OTOG: variants seen among roughly 807,000 people sequenced by gnomAD.
The protein encoded by OTOG is otogelin.
Under a neutral mutation model 313.8 loss-of-function variants are expected in OTOG, and 296 were observed. The ratio of observed to expected loss-of-function variants is 0.94; its 90% CI spans 0.86 to 1.04. The LOEUF is 1.04. OTOG is among the 50% of genes least tolerant of loss of function. The pLI is 0.00. For synonymous variants in OTOG, 1,533 were observed against 1,554.9 expected (o/e 0.99, Z 0.33); for missense variants, 3,948 against 3,840.1 (o/e 1.03, Z -0.74).
chr11:17,584,643 A>G (rs1852752360), intron 23 of OTOG, among the ~76,000 whole-genome samples: 1 of 152,184 alleles, frequency 6.6e-6, no homozygotes, highest in African/African-American at 2.4e-5. Context: ...TTTATGCCTA[A>G]ATCTCCAGAG....
intron 7 of OTOG, 49 bp from the exon 8 acceptor site, chr11:17,557,069 C>T: frequency 1.3e-6 from 2 of 1,519,218 alleles, no homozygotes; most frequent in Admixed American, 3.9e-5. Context: ...AGAGACTGGG[C>T]TAGTGGAGGT....
chr11:17,565,904 T>C (rs1202353170), intron 15 of OTOG, among the ~76,000 whole-genome samples: 5 of 152,192 alleles, frequency 3.3e-5, no homozygotes, highest in African/African-American at 4.8e-5. Context: ...TTATCTTGTA[T>C]AGTTCCTGTC....
At chr11:17,553,330 A>G (rs1043873899) in intron 5 of OTOG, 35 bp from the exon 6 acceptor site, 2 of 1,482,772 alleles carry the variant, frequency 1.3e-6, no homozygotes, top group African/African-American at 2.8e-5. Context: ...TGCCCACTGT[A>G]GCTACACAGA....
chr11:17,608,069 C>T lies in OTOG; in HGVS notation c.4157-227C>T, dbSNP rs150818160. ...GTTCTTCCCTGTCCTCAGTCCTTCC[C>T]TGTCCTCAGTCCTGCATTCAGCTCC... On this transcript the variant is annotated intron_variant, in intron 33 of 55. Coordinates refer to ENST00000399397, the MANE Select transcript of OTOG (RefSeq NM_001292063.2). Among the ~76,000 whole-genome samples, 26 of 152,332 alleles carry T rather than the reference C, an allele frequency of 1.7e-4. No homozygotes were observed. The East Asian group carries it at 4.8e-3, about 28-fold the overall frequency.
chr11:17,571,954 T>C, intron 17 of OTOG, 126 bp from the exon 18 acceptor site: 1 of 1,280,532 alleles, frequency 7.8e-7, no homozygotes, highest in South Asian at 1.4e-5. Flanking sequence ...AGTGTGTGTA[T>C]ATGGATGTGT....
chr11:17,566,144 C>T (rs1852289245), intron 15 of OTOG, among the ~76,000 whole-genome samples: 1 of 152,098 alleles, frequency 6.6e-6, no homozygotes, highest in Non-Finnish European at 1.5e-5. Context: ...CCCCACTCCC[C>T]ACAGATACCA....
intron 3 of OTOG, among the ~76,000 whole-genome samples, chr11:17,548,679 T>C (rs2133991257): frequency 6.6e-6 from 1 of 152,086 alleles, no homozygotes; most frequent in East Asian, 1.9e-4. Context: ...GCAAGGAAGG[T>C]TTGGTTGAGA....
intron 39 of OTOG, among the ~76,000 whole-genome samples, chr11:17,617,511 T>C (rs1394226258): frequency 2.6e-5 from 4 of 152,230 alleles, no homozygotes; most frequent in African/African-American, 7.2e-5. Flanking sequence ...TGTTTATATA[T>C]TTCTTCTTTG....
intron 45 of OTOG, 64 bp downstream of exon 45, chr11:17,635,012 G>T (rs372704663): frequency 1.5e-5 from 23 of 1,534,908 alleles, no homozygotes; most frequent in Non-Finnish European, 1.8e-5. Context: ...GGACAGCTCT[G>T]GGGGCAGGGG....
intron 12 of OTOG, among the ~76,000 whole-genome samples, chr11:17,560,275 T>A (rs1852153576): frequency 1.3e-5 from 2 of 152,324 alleles, no homozygotes; most frequent in South Asian, 4.1e-4. Context: ...TTCAGAGATA[T>A]CACGCTCATA....
In OTOG at chr11:17,610,344, C is replaced by A; in HGVS notation, c.5044C>A (p.Pro1682Thr). 6.4e-7 allele frequency: 1 copy of A among 1,550,656 alleles called. No individual in the cohort carries two copies. Among genetic ancestry groups the A allele is most frequent in the Non-Finnish European group, 8.7e-7 (1 of 1,146,996 alleles). ...TAAGGTCATAAGCAGGACAGGGGTCCCCCAGCCCACCCAGGCCCAGAGTGC... is the reference window on the plus strand; with the variant it reads ...TAAGGTCATAAGCAGGACAGGGGTCACCCAGCCCACCCAGGCCCAGAGTGC... ...VTKVISRTGV[P>T]QPTQAQSASS... is the part of the protein sequence containing the mutation. Residue 1682 changes from proline to threonine, a missense_variant, in exon 36 of 56, where the codon CCC becomes ACC. Coordinates refer to ENST00000399397, the MANE Select transcript of OTOG (RefSeq NM_001292063.2).
intron 48 of OTOG, chr11:17,638,822 G>A: frequency 7.1e-7 from 1 of 1,416,468 alleles, no homozygotes. Flanking sequence ...CTGCGGCCGG[G>A]CACGGTGGCT....
At chr11:17,563,694 T>C (rs1852238754) in intron 15 of OTOG, among the ~76,000 whole-genome samples, 1 of 151,676 alleles carries the variant, frequency 6.6e-6, no homozygotes, top group Admixed American at 6.6e-5. Context: ...CCCCCTTTTT[T>C]TTTGGAGACA....
At chr11:17,597,035 G>C in intron 30 of OTOG, 28 bp downstream of exon 30, 1 of 1,547,638 alleles carries the variant, frequency 6.5e-7, no homozygotes, top group Non-Finnish European at 8.7e-7. Flanking sequence ...TCACCTGAGG[G>C]GACAGAGTAG....
chr11:17,629,300 G>C lies in OTOG; in HGVS notation c.6696G>C (p.Gln2232His). Residue 2232 changes from glutamine (Q) to histidine (H), a missense_variant, in exon 40 of 56, where the codon CAG (glutamine) becomes CAC (histidine). Physicochemically the swap from Gln to His is conservative, Grantham distance 24. Coordinates refer to ENST00000399397, the MANE Select transcript of OTOG (RefSeq NM_001292063.2). The stretch of plus-strand genomic sequence containing the variant: ...AGGCCAGCAAAACCAGCAAGGCCCA[G>C]GGCCATGGCCTGTGCGGTGAGGTGG... ...IVEASKTSKAQGHGLCGICDG... is the reference protein window; with the variant it reads ...IVEASKTSKAHGHGLCGICDG... 6.4e-7 allele frequency: 1 copy of C among 1,550,406 alleles called. No homozygotes were observed. Among genetic ancestry groups the C allele is most frequent in the Non-Finnish European group, 8.7e-7 (1 of 1,146,958 alleles).
At chr11:17,576,270 C>G (rs1031429144) in intron 20 of OTOG, among the ~76,000 whole-genome samples, 2 of 152,218 alleles carry the variant, frequency 1.3e-5, no homozygotes, top group Non-Finnish European at 2.9e-5. Flanking sequence ...CTGCCCCTCC[C>G]TTCCCCGGTC....
At chr11:17,562,195 G>A (rs1358996961) in intron 15 of OTOG, among the ~76,000 whole-genome samples, 6 of 137,680 alleles carry the variant, frequency 4.4e-5, no homozygotes, top group African/African-American at 1.7e-4. Flanking sequence ...CCGAGATCGT[G>A]CCACTGCACT....
chr11:17,613,429 G>A (rs1457077673), intron 38 of OTOG, among the ~76,000 whole-genome samples, 183 bp from the exon 39 acceptor site: 1 of 143,018 alleles, frequency 7.0e-6, no homozygotes, highest in Non-Finnish European at 1.5e-5. Context: ...GCTTGCATGA[G>A]GTCAGATGGA....
At position 17,579,693 on chromosome 11, in the gene OTOG, C is replaced by T. The variant is rs575933646; in HGVS notation, c.2759+1167C>T. On this transcript the variant is annotated intron_variant, in intron 23 of 55. Transcript: ENST00000399397. ...TGAAGAGTATCTTTGTCACTGAAGGCCGCTTGTGACACCATCCTGGGTGCA... is the reference window on the plus strand; with the variant it reads ...TGAAGAGTATCTTTGTCACTGAAGGTCGCTTGTGACACCATCCTGGGTGCA... 4.6e-5 allele frequency among the ~76,000 whole-genome samples: 7 copies of T among 152,284 alleles called. No individual in the cohort carries two copies. In the South Asian group the frequency reaches 1.2e-3, roughly 27 times the overall value.
Sources: gnomAD v4.1 joint callset for allele counts (sites outside exome capture counted in the v4.1 genomes callset) on GRCh38, gnomAD v4.1.1 for gene constraint, MANE v1.5 for transcripts, NCBI Gene and HGNC (gene_info 2026-07-23, HGNC 2026-07-21) for gene names.